PRKRIP1: variants seen among roughly 807,000 people sequenced by gnomAD.
PRKRIP1 encodes the protein PRKR interacting protein 1.
PRKRIP1 carries 29 observed loss-of-function variants against 29.3 expected under a neutral mutation model. The ratio of observed to expected loss-of-function variants is 0.99; its 90% confidence interval spans 0.74 to 1.35. The LOEUF is 1.35. Among genes scored for constraint, PRKRIP1 ranks in the 40% most tolerant of loss-of-function variants. The pLI is 0.00. For missense variants in PRKRIP1, 247 were observed against 236.8 expected, an observed-to-expected ratio of 1.04 and a Z score of -0.28; for synonymous variants, 90 against 85.1, an observed-to-expected ratio of 1.06 and a Z score of -0.32.
intron 1 of PRKRIP1, 126 bp downstream of exon 1, chr7:102,396,663 G>C: frequency 1.9e-6 from 2 of 1,039,490 alleles, no homozygotes; most frequent in Admixed American, 5.6e-5. Context: ...GACCCTCCAA[G>C]AGCAGTCTTT....
intron 2 of PRKRIP1, among the ~76,000 whole-genome samples, chr7:102,398,706 G>T (rs1377485938): frequency 6.6e-6 from 1 of 152,166 alleles, no homozygotes; most frequent in Admixed American, 6.6e-5. Context: ...TGCGGGTTTA[G>T]TTCCAGGCAA....
chr7:102,416,917 G>A (rs564733558), intron 5 of PRKRIP1, among the ~76,000 whole-genome samples: 1 of 151,788 alleles, frequency 6.6e-6, no homozygotes, highest in African/African-American at 2.4e-5. Context: ...GTGTGGTGGC[G>A]CGATCTTGGC....
In PRKRIP1 at chr7:102,425,240, C is replaced by T. The variant is rs192688615; in HGVS notation, c.*129C>T. ...TGGATGGAGAGCAAAGGAGACCCCT[C>T]CCGAGCCGCTCACAGTCCTGTATTT... On this transcript the variant is annotated 3_prime_UTR_variant, in exon 6 of 6. Transcript: ENST00000397912. 215 of 1,514,910 alleles carry T rather than the reference C, an allele frequency of 1.4e-4. 1 individual carries two copies. In the East Asian group the frequency reaches 5.0e-3, roughly 35 times the overall value. The allele number at this position is 1,514,910 out of a possible 1,614,324, so 93.8% of individuals were successfully genotyped here. A position where few individuals can be genotyped will look rare whatever the true frequency, so the allele number is the denominator to read the frequency against.
At chr7:102,399,815 G>C (rs1796016109) in intron 3 of PRKRIP1, among the ~76,000 whole-genome samples, 167 bp downstream of exon 3, 1 of 152,124 alleles carries the variant, frequency 6.6e-6, no homozygotes, top group African/African-American at 2.4e-5. Context: ...TTTGAGACCA[G>C]CCTGACCAAC....
chr7:102,416,683 GTT>G (rs11455142), intron 5 of PRKRIP1, among the ~76,000 whole-genome samples: 2 of 143,172 alleles, frequency 1.4e-5, no homozygotes, highest in South Asian at 2.2e-4. Context: ...TTTGTGGGGT[GTT>G]TTTTTTTTTT....
At chr7:102,404,117 T>A (rs961660057) in intron 3 of PRKRIP1, among the ~76,000 whole-genome samples, 1 of 152,206 alleles carries the variant, frequency 6.6e-6, no homozygotes, top group African/African-American at 2.4e-5. Context: ...AGTGAGCTAT[T>A]GTGCCACTGC....
chr7:102,397,583 G>GTT (rs782206731), intron 1 of PRKRIP1, 37 bp from the exon 2 acceptor site: 3 of 1,558,436 alleles, frequency 1.9e-6, no homozygotes, highest in Non-Finnish European at 2.7e-6. Flanking sequence ...TTGTCAACAG[G>GTT]TTTATACTTA....
intron 5 of PRKRIP1, chr7:102,423,410 G>A (rs6953087): frequency 0.054 from 16,699 of 308,586 alleles, 551 homozygotes; most frequent in African/African-American, 0.089. Context: ...CACCGTGCCC[G>A]GCGCCTTATA....
At chr7:102,406,157 G>A (rs563720567) in intron 4 of PRKRIP1, among the ~76,000 whole-genome samples, 4 of 152,140 alleles carry the variant, frequency 2.6e-5, no homozygotes, top group Non-Finnish European at 5.9e-5. Context: ...AGGCATTGGA[G>A]TTTTCAGTGC....
At chr7:102,416,288 C>G (rs1226246320) in intron 5 of PRKRIP1, among the ~76,000 whole-genome samples, 3 of 152,230 alleles carry the variant, frequency 2.0e-5, no homozygotes, top group African/African-American at 7.2e-5. Flanking sequence ...TCTCATATAT[C>G]CAGTCTCCCC....
intron 1 of PRKRIP1, 110 bp from the exon 2 acceptor site, chr7:102,397,510 C>T: frequency 3.6e-6 from 3 of 825,182 alleles, no homozygotes; most frequent in Non-Finnish European, 6.0e-6. Context: ...TGCACCACTG[C>T]ACTCCAGCCT....
intron 3 of PRKRIP1, among the ~76,000 whole-genome samples, chr7:102,403,536 G>T (rs1375938740): frequency 6.6e-6 from 1 of 152,118 alleles, no homozygotes; most frequent in Non-Finnish European, 1.5e-5. Flanking sequence ...TCCCTCTGCC[G>T]CCTAGACTGG....
intron 5 of PRKRIP1, among the ~76,000 whole-genome samples, chr7:102,409,196 T>C (rs1487842552): frequency 1.3e-5 from 2 of 151,992 alleles, no homozygotes; most frequent in Admixed American, 1.3e-4. Flanking sequence ...AAATAAAATA[T>C]GATTGGCCAC....
chr7:102,423,179 A>G (rs368490029), intron 5 of PRKRIP1: 1 of 445,956 alleles, frequency 2.2e-6, no homozygotes, highest in Admixed American at 2.4e-5. Context: ...CAGTGGCGCT[A>G]TCTCGGCTCA....
intron 1 of PRKRIP1, 40 bp downstream of exon 1, chr7:102,396,577 AC>A (rs1795904491): frequency 6.3e-6 from 10 of 1,582,770 alleles, no homozygotes; most frequent in Non-Finnish European, 8.6e-6. Context: ...TCCGAGGCCC[AC>A]CCCCTTCCTC....
chr7:102,401,483 C>T (rs782792133), intron 3 of PRKRIP1, among the ~76,000 whole-genome samples: 2 of 152,160 alleles, frequency 1.3e-5, no homozygotes, highest in Non-Finnish European at 2.9e-5. Flanking sequence ...CCTGTAATCC[C>T]AGCACTTTAG....
chr7:102,418,302 G>A (rs1213758958), intron 5 of PRKRIP1, among the ~76,000 whole-genome samples: 1 of 151,858 alleles, frequency 6.6e-6, no homozygotes, highest in Admixed American at 6.6e-5. Flanking sequence ...CACCTGCCTC[G>A]GCCTCCCAAA....
intron 2 of PRKRIP1, among the ~76,000 whole-genome samples, chr7:102,398,551 C>T (rs1215916445): frequency 1.3e-5 from 2 of 152,130 alleles, no homozygotes; most frequent in Non-Finnish European, 2.9e-5. Flanking sequence ...TCCCAAAATG[C>T]TAGGATTACA....
At chr7:102,404,458 A>G (rs1796158651) in intron 3 of PRKRIP1, 140 bp from the exon 4 acceptor site, 2 of 682,448 alleles carry the variant, frequency 2.9e-6, no homozygotes, top group Non-Finnish European at 5.3e-6. Context: ...TTTTAAAGTT[A>G]AAATGGCCCT....
Sources: gnomAD v4.1 joint callset for allele counts (sites outside exome capture counted in the v4.1 genomes callset) on GRCh38, gnomAD v4.1.1 for gene constraint, MANE v1.5 for transcripts, NCBI Gene and HGNC (gene_info 2026-07-23, HGNC 2026-07-21) for gene names.